The following RIMBP2 variants were observed in gnomAD, a reference collection of about 807,000 sequenced individuals.
The protein encoded by RIMBP2 is RIMS binding protein 2, also known as RIMS-binding protein 2.
Under a neutral mutation model 118.6 loss-of-function variants are expected in RIMBP2, and 48 were observed. The observed-to-expected ratio is 0.40, with a 90% CI of 0.32 to 0.51. The LOEUF is 0.51. Ranked by LOEUF, RIMBP2 falls within the 20% of genes least tolerant of loss-of-function variation. RIMBP2 has a pLI of 0.41. For missense variants in RIMBP2, 1,551 were observed against 1,768.3 expected, an observed-to-expected ratio of 0.88 and a Z score of 2.20; for synonymous variants, 762 against 742.9, an observed-to-expected ratio of 1.03 and a Z score of -0.42.
intron 1 of RIMBP2, among the ~76,000 whole-genome samples, chr12:130,645,855 A>G (rs377536915): frequency 3.3e-5 from 5 of 152,288 alleles, no homozygotes; most frequent in Admixed American, 2.0e-4. Flanking sequence ...AGAAATCTGA[A>G]ACCAACTCTT....
rs367701808 is a variant in RIMBP2 at position 130,524,699 on chromosome 12, G to A, written c.-216-6782C>T. Among the ~76,000 whole-genome samples, 63 of 152,346 alleles carry A rather than the reference G, an allele frequency of 4.1e-4. No individual in the cohort carries two copies. In the South Asian group the frequency reaches 0.012, roughly 30 times the overall value. ...TGGGTGTTAAGGGGATTGAAGAAGG[G>A]TCAGGCTGGAGTCAAAGAGACCAAT... On this transcript the variant is annotated intron_variant, in intron 2 of 22. Coordinates refer to ENST00000690449, the MANE Select transcript of RIMBP2 (RefSeq NM_001393629.1).
intron 2 of RIMBP2, among the ~76,000 whole-genome samples, chr12:130,593,215 T>C (rs1277395894): frequency 6.6e-6 from 1 of 152,092 alleles, no homozygotes; most frequent in Middle Eastern, 3.2e-3. Flanking sequence ...CTGACAGCAG[T>C]CTCTAACTGT....
At chr12:130,664,411 G>GCACACGCACGCA (rs1555320866) in intron 1 of RIMBP2, among the ~76,000 whole-genome samples, 1,929 of 87,486 alleles carry the variant, frequency 0.022, 122 homozygotes, top group East Asian at 0.084. Context: ...ACGCACGCAC[G>GCACACGCACGCA]CACACACACG....
intron 1 of RIMBP2, among the ~76,000 whole-genome samples, chr12:130,664,346 C>A (rs1005316493): frequency 6.6e-6 from 1 of 151,158 alleles, no homozygotes; most frequent in Non-Finnish European, 1.5e-5. Context: ...GAAATACACA[C>A]ACACATGCAC....
chr12:130,437,955 T>A (rs2077662794), intron 12 of RIMBP2, among the ~76,000 whole-genome samples: 1 of 152,230 alleles, frequency 6.6e-6, no homozygotes, highest in Non-Finnish European at 1.5e-5. Flanking sequence ...TATACCCATT[T>A]CTTGGAGTCA....
At chr12:130,550,821 C>T (rs4759492) in intron 2 of RIMBP2, among the ~76,000 whole-genome samples, 62,908 of 152,132 alleles carry the variant, frequency 0.41, 14,063 homozygotes, top group Non-Finnish European at 0.5. Context: ...CTTATGGTCT[C>T]CTTGGGAAAA....
chr12:130,573,267 A>G (rs934718880), intron 2 of RIMBP2, among the ~76,000 whole-genome samples: 3 of 151,964 alleles, frequency 2.0e-5, no homozygotes, highest in African/African-American at 7.2e-5. Flanking sequence ...AACAAAGTAA[A>G]AGACTCGGAG....
intron 1 of RIMBP2, among the ~76,000 whole-genome samples, chr12:130,672,115 C>T (rs866170007): frequency 1.3e-5 from 2 of 152,156 alleles, no homozygotes; most frequent in Non-Finnish European, 2.9e-5. Context: ...GTCGGTTGGA[C>T]GACTCGGAAT....
intron 4 of RIMBP2, among the ~76,000 whole-genome samples, chr12:130,485,989 G>A (rs1440787409): frequency 6.6e-6 from 1 of 152,168 alleles, no homozygotes; most frequent in Non-Finnish European, 1.5e-5. Flanking sequence ...GCCATGGCTG[G>A]GAGGACAAGG....
intron 6 of RIMBP2, chr12:130,466,270 C>A (rs577720032): frequency 4.6e-5 from 7 of 152,340 alleles, no homozygotes; most frequent in Admixed American, 3.3e-4. Context: ...TCCCTGCTCT[C>A]AGGTTCTTAG....
chr12:130,645,909 C>T (rs1190962390), intron 1 of RIMBP2, among the ~76,000 whole-genome samples: 1 of 152,182 alleles, frequency 6.6e-6, no homozygotes, highest in Non-Finnish European at 1.5e-5. Flanking sequence ...TTCATTAAAG[C>T]TCTTTTCAGT....
At chr12:130,528,778 T>C (rs1387570200) in intron 2 of RIMBP2, among the ~76,000 whole-genome samples, 1 of 152,128 alleles carries the variant, frequency 6.6e-6, no homozygotes, top group Non-Finnish European at 1.5e-5. Context: ...ACCAAAACAA[T>C]GGGGTTGAAC....
chr12:130,695,525 C>T (rs1378240574), intron 1 of RIMBP2, among the ~76,000 whole-genome samples: 1 of 152,146 alleles, frequency 6.6e-6, no homozygotes, highest in Non-Finnish European at 1.5e-5. Context: ...GAGGTTCGCT[C>T]GAGTCCAGGA....
chr12:130,524,942 G>A (rs1403526614), intron 2 of RIMBP2, among the ~76,000 whole-genome samples: 1 of 152,188 alleles, frequency 6.6e-6, no homozygotes, highest in Non-Finnish European at 1.5e-5. Context: ...GTTGCGCTGG[G>A]GCTTGGTGAG....
chr12:130,441,905 G>A lies in RIMBP2; in HGVS notation c.1447C>T (p.Pro483Ser). Residue 483 changes from proline to serine, a missense_variant, in exon 11 of 23, where the codon CCG (proline) becomes TCG (serine). This residue lies in a region of RIMBP2 where 1,038 missense variants were observed against 1,125.1 expected (regional missense o/e 0.92). Coordinates refer to ENST00000690449, the MANE Select transcript of RIMBP2 (RefSeq NM_001393629.1). Reference protein sequence around the residue: ...AKPHQMPWQLPLEQREKKEAF... With the variant: ...AKPHQMPWQLSLEQREKKEAF... Reference sequence around the variant, plus strand: ...TCCTTCTTCTCCCTTTGCTCCAGCGGGAGCTGCCACGGCATCTGGTGGGGT... The same window carrying A: ...TCCTTCTTCTCCCTTTGCTCCAGCGAGAGCTGCCACGGCATCTGGTGGGGT... 1 of 1,613,896 alleles carries A rather than the reference G, an allele frequency of 6.2e-7. No individual in the cohort carries two copies. The highest frequency in any genetic ancestry group is 8.5e-7 in the Non-Finnish European group (1 of 1,180,048).
At chr12:130,590,265 C>G (rs2059172652) in intron 2 of RIMBP2, among the ~76,000 whole-genome samples, 1 of 152,150 alleles carries the variant, frequency 6.6e-6, no homozygotes, top group African/African-American at 2.4e-5. Context: ...ATCCCCACAC[C>G]CTAGGCTGAA....
chr12:130,413,057 A>G (rs1272415155), intron 18 of RIMBP2, among the ~76,000 whole-genome samples: 1 of 152,014 alleles, frequency 6.6e-6, no homozygotes, highest in Non-Finnish European at 1.5e-5. Flanking sequence ...GCTTGGATGA[A>G]TGCATGTTAT....
chr12:130,690,938 G>T (rs534754272), intron 1 of RIMBP2, among the ~76,000 whole-genome samples: 1 of 151,840 alleles, frequency 6.6e-6, no homozygotes, highest in South Asian at 2.1e-4. Context: ...GGTGAGGGAC[G>T]TCTTCCTCTC....
chr12:130,697,473 T>C (rs865930853), intron 1 of RIMBP2, among the ~76,000 whole-genome samples: 1 of 152,126 alleles, frequency 6.6e-6, no homozygotes, highest in Non-Finnish European at 1.5e-5. Context: ...CAGTGGGCTA[T>C]GATTGCACCA....
Sources: gnomAD v4.1 joint callset for allele counts (sites outside exome capture counted in the v4.1 genomes callset) on GRCh38, gnomAD v4.1.1 for gene constraint, gnomAD v4.1.1 regional missense constraint, MANE v1.5 for transcripts, NCBI Gene and HGNC (gene_info 2026-07-23, HGNC 2026-07-21) for gene names.